The following PIP4K2A variants were observed in gnomAD, a reference collection of about 807,000 sequenced individuals.
PIP4K2A encodes the protein phosphatidylinositol-5-phosphate 4-kinase type 2 alpha.
Under a neutral mutation model 42.9 loss-of-function variants are expected in PIP4K2A, and 14 were observed. That is an observed-to-expected ratio of 0.33 (90% CI 0.22 to 0.51). The LOEUF (loss-of-function observed/expected upper bound fraction) is 0.51. PIP4K2A is among the 20% of genes least tolerant of loss of function. PIP4K2A has a pLI of 0.97. For missense variants in PIP4K2A, 434 were observed against 519.8 expected, an observed-to-expected ratio of 0.83 and a Z score of 1.61; for synonymous variants, 192 against 192.2, an observed-to-expected ratio of 1.00 and a Z score of 0.01.
intron 1 of PIP4K2A, among the ~76,000 whole-genome samples, chr10:22,634,473 C>CA (rs1838618315): frequency 6.6e-6 from 1 of 152,196 alleles, no homozygotes; most frequent in Admixed American, 6.5e-5. Flanking sequence ...GAGTTCTTTG[C>CA]AGCAATATTA....
At chr10:22,686,725 C>T (rs1839771763) in intron 1 of PIP4K2A, among the ~76,000 whole-genome samples, 1 of 152,168 alleles carries the variant, frequency 6.6e-6, no homozygotes. Flanking sequence ...CCACCTTTGT[C>T]TCCCAAAGGA....
At chr10:22,702,310 T>C (rs1833730068) in intron 1 of PIP4K2A, among the ~76,000 whole-genome samples, 1 of 152,248 alleles carries the variant, frequency 6.6e-6, no homozygotes, top group African/African-American at 2.4e-5. Context: ...ACAATGTTTA[T>C]GCAATCTTAA....
At chr10:22,601,880 C>T (rs1473437708) in intron 3 of PIP4K2A, among the ~76,000 whole-genome samples, 1 of 152,210 alleles carries the variant, frequency 6.6e-6, no homozygotes, top group African/African-American at 2.4e-5. Context: ...GACCCGCATC[C>T]CTGCTCTCTT....
At chr10:22,664,051 ATG>A (rs202160456) in intron 1 of PIP4K2A, among the ~76,000 whole-genome samples, 2,754 of 88,490 alleles carry the variant, frequency 0.031, 331 homozygotes, top group African/African-American at 0.16. Flanking sequence ...ATATATACAT[ATG>A]TATATATACA....
At chr10:22,690,701 G>A (rs1221856706) in intron 1 of PIP4K2A, among the ~76,000 whole-genome samples, 4 of 152,154 alleles carry the variant, frequency 2.6e-5, no homozygotes, top group Non-Finnish European at 5.9e-5. Context: ...TTAATAGCAT[G>A]GTAAGAAATA....
chr10:22,712,589 T>C (rs1424408156), intron 1 of PIP4K2A, among the ~76,000 whole-genome samples: 6 of 152,204 alleles, frequency 3.9e-5, no homozygotes, highest in Admixed American at 2.6e-4. Context: ...TAACTCTACA[T>C]TGTAAACTTA....
At chr10:22,659,716 G>A (rs571950742) in intron 1 of PIP4K2A, 1 of 152,524 alleles carries the variant, frequency 6.6e-6, no homozygotes, top group East Asian at 1.9e-4. Flanking sequence ...GCTGAGGCAG[G>A]AGAATCGCTT....
intron 1 of PIP4K2A, among the ~76,000 whole-genome samples, chr10:22,640,939 TGAGA>T (rs1236259231): frequency 6.6e-6 from 1 of 152,136 alleles, no homozygotes; most frequent in African/African-American, 2.4e-5. Context: ...TTCTAAGAAC[TGAGA>T]GAAATATTTG....
At chr10:22,549,244 T>A (rs796525639) in intron 7 of PIP4K2A, among the ~76,000 whole-genome samples, 5 of 152,342 alleles carry the variant, frequency 3.3e-5, no homozygotes, top group African/African-American at 1.2e-4. Context: ...GAGTTTCTTG[T>A]AATAAAAAGA....
chr10:22,710,233 A>G (rs1263639449), intron 1 of PIP4K2A, among the ~76,000 whole-genome samples: 2 of 152,170 alleles, frequency 1.3e-5, no homozygotes, highest in Non-Finnish European at 2.9e-5. Flanking sequence ...TGGCCCTCAC[A>G]GATTCCCACG....
At chr10:22,707,707 A>G (rs1225266202) in intron 1 of PIP4K2A, among the ~76,000 whole-genome samples, 1 of 152,196 alleles carries the variant, frequency 6.6e-6, no homozygotes, top group Non-Finnish European at 1.5e-5. Flanking sequence ...CGGGTAATCA[A>G]TTCAGCCTAT....
At chr10:22,640,007 G>A (rs1838745503) in intron 1 of PIP4K2A, among the ~76,000 whole-genome samples, 1 of 121,882 alleles carries the variant, frequency 8.2e-6, no homozygotes. Flanking sequence ...ATGCATGGAT[G>A]TGTTGTCTTT....
chr10:22,618,028 T>C (rs533012319), intron 1 of PIP4K2A, among the ~76,000 whole-genome samples: 2 of 152,304 alleles, frequency 1.3e-5, no homozygotes, highest in African/African-American at 4.8e-5. Context: ...CTATTCTAGA[T>C]ACTACTGTAA....
At chr10:22,628,963 T>C (rs746181757) in intron 1 of PIP4K2A, among the ~76,000 whole-genome samples, 10 of 152,168 alleles carry the variant, frequency 6.6e-5, no homozygotes, top group Non-Finnish European at 1.5e-4. Flanking sequence ...CTGAACACGT[T>C]TTTCAGGTTA....
Position 22,568,922 on chromosome 10 carries a change from G to A in PIP4K2A, c.640-1033C>T, listed in dbSNP as rs1015941349. On this transcript the variant is annotated intron_variant, in intron 5 of 9. Transcript: ENST00000376573. ...ACTGGACACCCCTAACTATCGTGAG[G>A]TCAGCCAAGCCACTTGCTTCTTTAC... The A allele has an allele frequency of 6.9e-6, 7 of 1,009,626 alleles. No homozygotes were observed. The East Asian group carries it at 1.6e-4, about 22-fold the overall frequency. 62.5% of individuals were successfully genotyped at this position (1,009,626 alleles called of 1,614,324 possible).
chr10:22,537,212 T>A lies in PIP4K2A; in HGVS notation c.1210A>T (p.Ile404Phe). The change falls in exon 10 of 10, where the codon ATC becomes TTC. Residue 404 changes from isoleucine to phenylalanine, a missense_variant. By Grantham distance (21) the Ile-to-Phe change is conservative. Coordinates refer to ENST00000376573, the MANE Select transcript of PIP4K2A (RefSeq NM_005028.5). ...GGCTGCGCAGGAGGTTACGTCAAGA[T>A]GTGGCCAATAAAGTCCAAAAAGCGC... ...SKRFLDFIGH[I>F]LT is the part of the protein sequence containing the mutation. The A allele has an allele frequency of 6.2e-7, 1 of 1,604,696 alleles. No homozygotes were observed. Among genetic ancestry groups the A allele is most frequent in the Non-Finnish European group, 8.5e-7 (1 of 1,174,454 alleles).
At chr10:22,621,104 A>AT (rs1838319515) in intron 1 of PIP4K2A, among the ~76,000 whole-genome samples, 1 of 152,202 alleles carries the variant, frequency 6.6e-6, no homozygotes, top group African/African-American at 2.4e-5. Flanking sequence ...AAGCATCACC[A>AT]TTGATGCACA....
chr10:22,593,039 T>A (rs1420296483), intron 3 of PIP4K2A, among the ~76,000 whole-genome samples: 3 of 152,192 alleles, frequency 2.0e-5, no homozygotes, highest in African/African-American at 2.4e-5. Flanking sequence ...TATATTCCAG[T>A]CTCTTTATCC....
intron 9 of PIP4K2A, among the ~76,000 whole-genome samples, chr10:22,537,783 C>A (rs1208184743): frequency 6.6e-6 from 1 of 152,228 alleles, no homozygotes; most frequent in Non-Finnish European, 1.5e-5. Flanking sequence ...AGTGCTCAAA[C>A]ATGAGGGGCA....
Sources: allele counts gnomAD v4.1 joint callset (sites outside exome capture counted in the v4.1 genomes callset), GRCh38; gene constraint gnomAD v4.1.1; transcripts MANE v1.5; gene names NCBI Gene and HGNC (gene_info 2026-07-23, HGNC 2026-07-21).